The following CCDC148 variants were observed in gnomAD, a reference collection of about 807,000 sequenced individuals.
CCDC148 encodes the protein coiled-coil domain-containing protein 148.
CCDC148 carries 89 observed loss-of-function variants against 85.7 expected under a neutral mutation model. That is an observed-to-expected ratio of 1.04 (90% confidence interval 0.87 to 1.24). The LOEUF (loss-of-function observed/expected upper bound fraction) is 1.24. Ranked by LOEUF, CCDC148 falls within the 50% of genes most tolerant of loss-of-function variation. The pLI is 0.00. For missense variants in CCDC148, 692 were observed against 671.7 expected (o/e 1.03, Z -0.33); for synonymous variants, 230 against 213.9 (o/e 1.08, Z -0.66).
chr2:158,249,413 A>AT (rs1298815562), intron 10 of CCDC148, among the ~76,000 whole-genome samples: 7 of 152,172 alleles, frequency 4.6e-5, no homozygotes, highest in Admixed American at 3.9e-4. Context: ...AACGTGATCA[A>AT]TATTTATGAG....
intron 7 of CCDC148, among the ~76,000 whole-genome samples, chr2:158,322,976 T>C (rs147887518): frequency 6.6e-6 from 1 of 152,284 alleles, no homozygotes; most frequent in Non-Finnish European, 1.5e-5. Flanking sequence ...ATCAGACAAT[T>C]ATGTCTCATC....
At chr2:158,288,682 C>A (rs1420313970) in intron 9 of CCDC148, 2 of 264,670 alleles carry the variant, frequency 7.6e-6, no homozygotes, top group Non-Finnish European at 1.5e-5. Context: ...TTCCCGTCTT[C>A]TTCTGAGCCT....
chr2:158,429,445 T>C (rs1687237942), intron 1 of CCDC148, among the ~76,000 whole-genome samples: 1 of 151,874 alleles, frequency 6.6e-6, no homozygotes, highest in South Asian at 2.1e-4. Flanking sequence ...CAAGATATAA[T>C]GTTAAGGTAA....
At chr2:158,365,209 G>GAACT (rs1393763800) in intron 1 of CCDC148, among the ~76,000 whole-genome samples, 1 of 152,180 alleles carries the variant, frequency 6.6e-6, no homozygotes, top group Non-Finnish European at 1.5e-5. Context: ...CTGTTGGTGG[G>GAACT]AGTGTAAATT....
intron 9 of CCDC148, among the ~76,000 whole-genome samples, chr2:158,280,671 A>C (rs909150166): frequency 2.6e-5 from 4 of 152,196 alleles, no homozygotes; most frequent in African/African-American, 9.7e-5. Flanking sequence ...ACCACACATT[A>C]ATAACGGGAG....
At chr2:158,197,302 A>C (rs764801763) in intron 11 of CCDC148, among the ~76,000 whole-genome samples, 18 of 152,146 alleles carry the variant, frequency 1.2e-4, no homozygotes, top group Admixed American at 7.2e-4. Context: ...GATCCCACAG[A>C]AGCTGAATTT....
intron 9 of CCDC148, among the ~76,000 whole-genome samples, chr2:158,257,304 C>T (rs1275826855): frequency 3.3e-5 from 5 of 151,722 alleles, no homozygotes; most frequent in African/African-American, 1.2e-4. Flanking sequence ...CAATCAAATC[C>T]CTTTCTCTGT....
In CCDC148 at chr2:158,456,670, C is replaced by A. The variant is rs969138619; in HGVS notation, c.-231G>T. Reference sequence around the variant, plus strand: ...ATCTCCCTGTCCTCTCCGCCACCCCCTCCCGCGCCCGAGACCTGAGACACC... The same window carrying A: ...ATCTCCCTGTCCTCTCCGCCACCCCATCCCGCGCCCGAGACCTGAGACACC... On this transcript the variant is annotated 5_prime_UTR_variant, in exon 1 of 14. It adds an upstream start codon to the 5' untranslated region. Coordinates refer to ENST00000283233, the MANE Select transcript of CCDC148 (RefSeq NM_138803.4). The A allele has an allele frequency of 3.4e-6, 2 of 585,436 alleles. No homozygotes were observed. The highest frequency in any genetic ancestry group is 1.9e-5 in the African/African-American group (1 of 53,534). The allele number at this position is 585,436 out of a possible 1,614,324, so 36.3% of individuals were successfully genotyped here.
intron 3 of CCDC148, 70 bp from the exon 4 acceptor site, chr2:158,340,750 AAG>A: frequency 2.2e-6 from 2 of 911,032 alleles, no homozygotes; most frequent in Non-Finnish European, 3.3e-6. Context: ...AAAATAACCA[AAG>A]AGATATTTAG....
intron 1 of CCDC148, among the ~76,000 whole-genome samples, chr2:158,449,972 G>A (rs1346248139): frequency 6.7e-6 from 1 of 149,744 alleles, no homozygotes; most frequent in Admixed American, 6.8e-5. Context: ...GCTTTTTCTG[G>A]CACATATTGT....
At chr2:158,397,640 G>A (rs1685584091) in intron 1 of CCDC148, among the ~76,000 whole-genome samples, 1 of 152,042 alleles carries the variant, frequency 6.6e-6, no homozygotes, top group South Asian at 2.1e-4. Context: ...CCATAAACAT[G>A]GAAAGGAACA....
At chr2:158,345,189 T>A in intron 3 of CCDC148, 26 bp downstream of exon 3, 1 of 1,501,408 alleles carries the variant, frequency 6.7e-7, no homozygotes, top group Non-Finnish European at 9.3e-7. Flanking sequence ...TTCCTACGTG[T>A]TCTTACTATG....
chr2:158,326,585 C>T (rs1242776163), intron 7 of CCDC148, among the ~76,000 whole-genome samples: 1 of 152,166 alleles, frequency 6.6e-6, no homozygotes, highest in Non-Finnish European at 1.5e-5. Context: ...GTTCACCATT[C>T]AATTAACTTG....
intron 1 of CCDC148, among the ~76,000 whole-genome samples, chr2:158,366,398 A>T (rs767823084): frequency 6.6e-6 from 1 of 152,080 alleles, no homozygotes; most frequent in Non-Finnish European, 1.5e-5. Context: ...GAAAGAAATT[A>T]CCTAAATTGA....
At chr2:158,234,368 C>A (rs80120389) in intron 10 of CCDC148, among the ~76,000 whole-genome samples, 200 of 152,224 alleles carry the variant, frequency 1.3e-3, no homozygotes, top group Non-Finnish European at 2.3e-3. Context: ...AAACTGTTTG[C>A]GTTTCAGCTA....
At chr2:158,398,495 A>G (rs976213139) in intron 1 of CCDC148, among the ~76,000 whole-genome samples, 1 of 152,150 alleles carries the variant, frequency 6.6e-6, no homozygotes, top group Non-Finnish European at 1.5e-5. Context: ...ACACAACTAC[A>G]TGGAAACTGA....
At chr2:158,227,958 G>T (rs1687639549) in intron 10 of CCDC148, among the ~76,000 whole-genome samples, 1 of 152,070 alleles carries the variant, frequency 6.6e-6, no homozygotes, top group African/African-American at 2.4e-5. Context: ...TTGACAAATG[G>T]GATCTAATTA....
chr2:158,171,947 G>T lies in CCDC148; in HGVS notation c.*166C>A. The T allele has an allele frequency of 1.9e-6, 1 of 533,716 alleles. No individual in the cohort carries two copies. The highest frequency in any genetic ancestry group is 3.2e-6 in the Non-Finnish European group (1 of 309,430). The allele number at this position is 533,716 out of a possible 1,614,324, so 33.1% of individuals were successfully genotyped here. On this transcript the variant is annotated 3_prime_UTR_variant, in exon 14 of 14. Coordinates refer to ENST00000283233, the MANE Select transcript of CCDC148 (RefSeq NM_138803.4). ...ATAACTTAAAGATACAGGAAATATA[G>T]TGCATAAAATTCTAAGAATCACAAA...
intron 9 of CCDC148, among the ~76,000 whole-genome samples, chr2:158,265,379 C>A (rs1273182570): frequency 3.9e-5 from 6 of 152,058 alleles, no homozygotes; most frequent in Non-Finnish European, 7.4e-5. Flanking sequence ...TTTAAAATTA[C>A]TTTGTCTCTT....
Sources: allele counts gnomAD v4.1 joint callset (sites outside exome capture counted in the v4.1 genomes callset), GRCh38; gene constraint gnomAD v4.1.1; transcripts MANE v1.5; gene names NCBI Gene and HGNC (gene_info 2026-07-23, HGNC 2026-07-21).